ACOT7: variants seen among roughly 807,000 people sequenced by gnomAD.
ACOT7 encodes cytosolic acyl coenzyme A thioester hydrolase.
In ACOT7, 12 loss-of-function variants were observed where a neutral mutation model predicts 40.2. The ratio of observed to expected loss-of-function variants is 0.30; its 90% CI spans 0.19 to 0.48. The LOEUF (loss-of-function observed/expected upper bound fraction) is 0.48, where lower values mean the gene tolerates loss of function less well. Ranked by LOEUF, ACOT7 falls within the 20% of genes least tolerant of loss-of-function variation. The probability of loss-of-function intolerance (pLI) is 0.99; values close to 1 mark genes in which losing one functional copy is unlikely to be tolerated. For missense variants in ACOT7, 395 were observed against 530.8 expected, an observed-to-expected ratio of 0.74 and a Z score of 2.51; for synonymous variants, 228 against 219.5, an observed-to-expected ratio of 1.04 and a Z score of -0.34.
At chr1:6,370,880 G>A (rs1456059495) in intron 1 of ACOT7, among the ~76,000 whole-genome samples, 14 of 148,706 alleles carry the variant, frequency 9.4e-5, no homozygotes, top group South Asian at 4.3e-4. Flanking sequence ...GTGCGATCTC[G>A]GCTCACTGCA....
chr1:6,306,278 CA>C lies in ACOT7; in HGVS notation c.713-11299del. 1 of 984,898 alleles carries C rather than the reference CA, an allele frequency of 1.0e-6. No individual in the cohort carries two copies. The highest frequency in any genetic ancestry group is 1.2e-6 in the Non-Finnish European group (1 of 829,890). 61.0% of individuals were successfully genotyped at this position (984,898 alleles called of 1,614,324 possible). On this transcript the variant is annotated intron_variant, in intron 6 of 8. Transcript: ENST00000361521. The surrounding 1 kb of genome is among the most constrained non-coding windows in gnomAD (Gnocchi z 4.3). ...ATGGCAAGACCTCAACCAAATACTC[CA>C]TATTTCTGGAAAGGGGTCAGTGCCC...
chr1:6,305,402 G>A (rs1351627009), intron 6 of ACOT7, among the ~76,000 whole-genome samples: 10 of 150,366 alleles, frequency 6.7e-5, no homozygotes, highest in Admixed American at 3.3e-4. Flanking sequence ...CCTCCCAGAC[G>A]GGGCGGCTGA....
rs1403648665 is a variant in ACOT7 at position 6,348,828 on chromosome 1, T to C, written c.261+921A>G. Among the ~76,000 whole-genome samples, 12 of 152,202 alleles carry C rather than the reference T, an allele frequency of 7.9e-5. 1 individual carries two copies. The highest frequency in any genetic ancestry group is 6.5e-4 in the Admixed American group (10 of 15,286). On this transcript the variant is annotated intron_variant, in intron 2 of 8. Transcript: ENST00000361521. ...CAACAGTGTGGCTCAGAGCTCACAG[T>C]GCCTCCGCTGGTCCCTGGTCTCTGA... is the stretch of plus-strand genomic sequence containing the variant.
intron 1 of ACOT7, among the ~76,000 whole-genome samples, chr1:6,370,514 G>T: frequency 6.7e-6 from 1 of 148,204 alleles, no homozygotes. Flanking sequence ...ATTTGAAATG[G>T]AGTCTCGTTC....
intron 7 of ACOT7, among the ~76,000 whole-genome samples, chr1:6,283,334 G>C (rs1383679708): frequency 6.6e-6 from 1 of 152,132 alleles, no homozygotes; most frequent in African/African-American, 2.4e-5. Context: ...GCTGATTTTT[G>C]TATCTTTTGT....
At chr1:6,293,333 G>C (rs1639725978) in intron 7 of ACOT7, among the ~76,000 whole-genome samples, 2 of 152,170 alleles carry the variant, frequency 1.3e-5, no homozygotes, top group Non-Finnish European at 2.9e-5. Context: ...ACCCAGGCAG[G>C]AGTCCTAGAA....
chr1:6,337,290 C>T (rs561914223), intron 3 of ACOT7, among the ~76,000 whole-genome samples: 1 of 152,200 alleles, frequency 6.6e-6, no homozygotes, highest in Admixed American at 6.5e-5. Context: ...GGGGGCTGCT[C>T]TCTCATGCTC....
chr1:6,314,143 C>A (rs989656566), intron 6 of ACOT7, among the ~76,000 whole-genome samples: 5 of 152,166 alleles, frequency 3.3e-5, no homozygotes, highest in African/African-American at 1.2e-4. Context: ...TGCTGGAGGG[C>A]ACAGAACAAC....
In ACOT7 at chr1:6,299,015, T is replaced by A. The variant is rs1639889867; in HGVS notation, c.713-4035A>T. ...GCCTGGTGCGAATCCCCCTGCCCCA[T>A]CGCCCATGCCTGGAGGGGCTTGAGT... On this transcript the variant is annotated intron_variant, in intron 6 of 8. Coordinates refer to ENST00000361521, the MANE Select transcript of ACOT7 (RefSeq NM_007274.4). This position sits in a 1 kb window ranked among gnomAD's most constrained non-coding sequence, Gnocchi z 4.1. Among the ~76,000 whole-genome samples, 1 of 152,210 alleles carries A rather than the reference T, an allele frequency of 6.6e-6. No individual in the cohort carries two copies. The highest frequency in any genetic ancestry group is 1.5e-5 in the Non-Finnish European group (1 of 68,034).
At chr1:6,319,757 G>A (rs1046385175) in intron 5 of ACOT7, among the ~76,000 whole-genome samples, 2 of 152,258 alleles carry the variant, frequency 1.3e-5, no homozygotes, top group African/African-American at 4.8e-5. Context: ...CCCTTCCAGA[G>A]CAGATGGGGT....
In ACOT7 at chr1:6,340,693, A is replaced by G. The variant is rs115640039; in HGVS notation, c.262-1104T>C. 8.8e-3 allele frequency among the ~76,000 whole-genome samples: 1,341 copies of G among 152,186 alleles called. 12 individuals are homozygous for G. Among genetic ancestry groups the G allele is most frequent in the African/African-American group, 0.031 (1,270 of 41,502 alleles). On this transcript the variant is annotated intron_variant, in intron 2 of 8. Coordinates refer to ENST00000361521, the MANE Select transcript of ACOT7 (RefSeq NM_007274.4). Reference sequence around the variant, plus strand: ...TCACCTTCTGATTCTTTTTCATTCAACGTAGGAAAAATAATCTGCCTGTGT... The same window carrying G: ...TCACCTTCTGATTCTTTTTCATTCAGCGTAGGAAAAATAATCTGCCTGTGT...
chr1:6,284,721 C>G (rs1410789377), intron 7 of ACOT7, among the ~76,000 whole-genome samples: 1 of 152,136 alleles, frequency 6.6e-6, no homozygotes, highest in Non-Finnish European at 1.5e-5. Flanking sequence ...CGAGGCCTCC[C>G]TGGGGACGGA....
At chr1:6,273,102 C>T (rs932052195) in intron 8 of ACOT7, among the ~76,000 whole-genome samples, 4 of 152,350 alleles carry the variant, frequency 2.6e-5, no homozygotes, top group South Asian at 2.1e-4. Flanking sequence ...CCCCCGCAGC[C>T]GGTTAGGCCA....
chr1:6,363,701 G>A (rs1455886081), intron 1 of ACOT7, among the ~76,000 whole-genome samples: 1 of 152,048 alleles, frequency 6.6e-6, no homozygotes, highest in Non-Finnish European at 1.5e-5. Flanking sequence ...CCTATCATTG[G>A]AGATGATTCA....
rs550461933 is a variant in ACOT7, at chr1:6,332,837, AC to A, written c.510+639del. On this transcript the variant is annotated intron_variant, in intron 4 of 8. Coordinates refer to ENST00000361521, the MANE Select transcript of ACOT7 (RefSeq NM_007274.4). The stretch of plus-strand genomic sequence containing the variant: ...TTCCGTCTCAAAAAAACAAAAAAAA[AC>A]AAAAAAAACAAAAAGAAAGAAAGAA... Among the ~76,000 whole-genome samples the A allele has an allele frequency of 4.5e-3, 657 of 145,812 alleles. 8 individuals are homozygous for A. The highest frequency in any genetic ancestry group is 0.017 in the African/African-American group (617 of 36,272).
rs60030545 is a variant in ACOT7, at chr1:6,285,424, G to A, written c.830-4138C>T. Among the ~76,000 whole-genome samples the A allele has an allele frequency of 9.5e-3, 1,449 of 152,316 alleles. 21 individuals carry two copies. Among genetic ancestry groups the A allele is most frequent in the African/African-American group, 0.033 (1,384 of 41,582 alleles). ...CACCTGTCCACCTCCCTTCCTCCCT[G>A]CAAAAGGGTGGAGAGCCTGGGGGCA... On this transcript the variant is annotated intron_variant, in intron 7 of 8. Coordinates refer to ENST00000361521, the MANE Select transcript of ACOT7 (RefSeq NM_007274.4).
At position 6,274,848 on chromosome 1, in the gene ACOT7, G is replaced by T. The variant is rs904736532; in HGVS notation, c.1014+6254C>A. ...GCGGCGCAGTGCAGGTGGGCAGCGC[G>T]TTGGGACTCCCAGGGTTTAGGTTCT... On this transcript the variant is annotated intron_variant, in intron 8 of 8. Coordinates refer to ENST00000361521, the MANE Select transcript of ACOT7 (RefSeq NM_007274.4). The surrounding 1 kb of genome is among the most constrained non-coding windows in gnomAD (Gnocchi z 5.9). Among the ~76,000 whole-genome samples the T allele has an allele frequency of 6.6e-6, 1 of 152,156 alleles. No individual in the cohort carries two copies. The highest frequency in any genetic ancestry group is 1.5e-5 in the Non-Finnish European group (1 of 68,024).
Position 6,301,246 on chromosome 1 carries a change from T to C in ACOT7, c.713-6266A>G, listed in dbSNP as rs112456103. 2.6e-5 allele frequency among the ~76,000 whole-genome samples: 4 copies of C among 152,218 alleles called. No individual in the cohort carries two copies. Among genetic ancestry groups the C allele is most frequent in the Non-Finnish European group, 4.4e-5 (3 of 68,028 alleles). On this transcript the variant is annotated intron_variant, in intron 6 of 8. Transcript: ENST00000361521. The surrounding 1 kb of genome is among the most constrained non-coding windows in gnomAD (Gnocchi z 4.1). The stretch of plus-strand genomic sequence containing the variant: ...CAATTAACCCCTTGTTCTTCCATCC[T>C]GAAAAGCAGAATGAGAGAATAAATG...
intron 1 of ACOT7, among the ~76,000 whole-genome samples, chr1:6,370,965 T>TG (rs1244872819): frequency 6.6e-6 from 1 of 151,562 alleles, no homozygotes; most frequent in Non-Finnish European, 1.5e-5. Context: ...CGCCTGCCAC[T>TG]GCGCCTGGCT....
Sources: allele counts gnomAD v4.1 joint callset (sites outside exome capture counted in the v4.1 genomes callset), GRCh38; gene constraint gnomAD v4.1.1; non-coding constraint Gnocchi (gnomAD v3.1); transcripts MANE v1.5; gene names NCBI Gene and HGNC (gene_info 2026-07-23, HGNC 2026-07-21).